ROBO2: variants seen among roughly 807,000 people sequenced by gnomAD.
ROBO2 encodes the protein roundabout homolog 2.
A neutral mutation model predicts 160.8 loss-of-function variants in ROBO2; 53 were observed. The ratio of observed to expected loss-of-function variants is 0.33; its 90% CI spans 0.26 to 0.41. The LOEUF (loss-of-function observed/expected upper bound fraction) is 0.41, where lower values mean the gene tolerates loss of function less well. Among genes scored for constraint, ROBO2 ranks in the 10% least tolerant of loss-of-function variants. The probability of loss-of-function intolerance (pLI) is 1.00; values close to 1 mark genes in which losing one functional copy is unlikely to be tolerated. For missense variants in ROBO2, 1,577 were observed against 1,722.4 expected (o/e 0.92, Z 1.49); for synonymous variants, 664 against 611.7 (o/e 1.09, Z -1.26).
rs540100533 is a variant in ROBO2 at position 77,255,344 on chromosome 3, C to T, written c.388+157004C>T. Among the ~76,000 whole-genome samples the T allele has an allele frequency of 3.9e-5, 6 of 152,286 alleles. No individual in the cohort carries two copies. The East Asian group carries it at 1.2e-3, about 29-fold the overall frequency. On this transcript the variant is annotated intron_variant, in intron 2 of 25. Coordinates refer to ENST00000461745, the Ensembl canonical transcript of ROBO2. Reference sequence around the variant, plus strand: ...AGTGCGTGAAGTTTTAAAACCAATTCAACTATGAGTAGATGTCATGTAGGC... The same window carrying T: ...AGTGCGTGAAGTTTTAAAACCAATTTAACTATGAGTAGATGTCATGTAGGC...
intron 2 of ROBO2, among the ~76,000 whole-genome samples, chr3:77,030,718 A>C (rs147328991): frequency 1.3e-5 from 2 of 152,272 alleles, no homozygotes; most frequent in East Asian, 3.9e-4. Context: ...CATAATCTTC[A>C]TGTAGCTTAT....
chr3:76,630,048 C>T (rs886384741), intron 2 of ROBO2, among the ~76,000 whole-genome samples: 14 of 152,178 alleles, frequency 9.2e-5, no homozygotes, highest in Non-Finnish European at 1.6e-4. Context: ...CCCCGCTTGG[C>T]TGACTTTGGT....
At chr3:76,256,328 T>A (rs1364806381) in intron 2 of ROBO2, among the ~76,000 whole-genome samples, 75 of 94,856 alleles carry the variant, frequency 7.9e-4, no homozygotes, top group Middle Eastern at 5.7e-3. Context: ...TCTCTCTCTC[T>A]CTCTCTCTCT....
chr3:76,128,895 T>C (rs2071110918), intron 2 of ROBO2, among the ~76,000 whole-genome samples: 1 of 152,124 alleles, frequency 6.6e-6, no homozygotes, highest in African/African-American at 2.4e-5. Flanking sequence ...AGAATTATAC[T>C]TGTGACTCCT....
intron 2 of ROBO2, among the ~76,000 whole-genome samples, chr3:76,380,104 G>A (rs2076544349): frequency 6.6e-6 from 1 of 151,434 alleles, no homozygotes. Flanking sequence ...ATTTTTGGTG[G>A]GTTTTTGGAA....
chr3:77,632,492 G>A (rs937281517), intron 23 of ROBO2: 1 of 1,533,326 alleles, frequency 6.5e-7, no homozygotes, highest in Non-Finnish European at 8.7e-7. Flanking sequence ...GTAAATGGAT[G>A]GGGCTCTGCA....
chr3:76,026,962 A>G (rs1283394780), intron 2 of ROBO2, among the ~76,000 whole-genome samples: 4 of 151,950 alleles, frequency 2.6e-5, no homozygotes, highest in Non-Finnish European at 5.9e-5. Flanking sequence ...CTGACAAGAT[A>G]CTGATTACAG....
intron 2 of ROBO2, among the ~76,000 whole-genome samples, chr3:76,472,465 C>T (rs538453471): frequency 2.0e-5 from 3 of 152,034 alleles, no homozygotes; most frequent in African/African-American, 7.2e-5. Flanking sequence ...AATCCTCATC[C>T]TACTATCTAT....
intron 2 of ROBO2, chr3:76,434,050 G>A: frequency 1.5e-6 from 2 of 1,291,780 alleles, no homozygotes; most frequent in East Asian, 2.3e-5. Flanking sequence ...TAGAAAGACT[G>A]GAGAGGGCAG....
chr3:76,430,921 T>C (rs1212281666), intron 2 of ROBO2, among the ~76,000 whole-genome samples: 1 of 152,050 alleles, frequency 6.6e-6, no homozygotes, highest in African/African-American at 2.4e-5. Context: ...GAATTTTAAC[T>C]TTTAATTAGT....
intron 2 of ROBO2, among the ~76,000 whole-genome samples, chr3:76,498,534 A>G (rs956594394): frequency 2.0e-5 from 3 of 151,782 alleles, no homozygotes; most frequent in African/African-American, 7.2e-5. Flanking sequence ...TAATAAATAT[A>G]TATTTCTAAA....
At chr3:76,948,621 C>T (rs2078719525) in intron 2 of ROBO2, among the ~76,000 whole-genome samples, 1 of 138,256 alleles carries the variant, frequency 7.2e-6, no homozygotes, top group Admixed American at 7.4e-5. Flanking sequence ...GAGTCTCACC[C>T]TGTCACCCAG....
intron 2 of ROBO2, among the ~76,000 whole-genome samples, chr3:76,839,590 T>C (rs1403597877): frequency 6.6e-6 from 1 of 152,186 alleles, no homozygotes; most frequent in Non-Finnish European, 1.5e-5. Flanking sequence ...AGGATTATTG[T>C]ATAAATGCTT....
rs1167852972 is a variant in ROBO2 at position 76,049,403 on chromosome 3, AT to A, written c.109+111822del. 3.6e-3 allele frequency among the ~76,000 whole-genome samples: 193 copies of A among 53,756 alleles called. 3 individuals carry two copies. The East Asian group carries it at 0.046, about 13-fold the overall frequency. The allele number at this position is 53,756 out of a possible 152,430, so 35.3% of individuals were successfully genotyped here. A position where few individuals can be genotyped will look rare whatever the true frequency, so the allele number is the denominator to read the frequency against. ...TTTTAGTATATATATATATATATATATTTTTTTTTTTTTTTTTTTTTGTAGA... is the reference window on the plus strand; with the variant it reads ...TTTTAGTATATATATATATATATATATTTTTTTTTTTTTTTTTTTTGTAGA... On this transcript the variant is annotated intron_variant, in intron 2 of 26. Coordinates refer to the ROBO2 transcript ENST00000487694.
At chr3:76,741,841 T>C (rs1485569500) in intron 2 of ROBO2, among the ~76,000 whole-genome samples, 1 of 152,020 alleles carries the variant, frequency 6.6e-6, no homozygotes, top group Admixed American at 6.6e-5. Context: ...CTCTTATTTA[T>C]TTTTTTCTGA....
At chr3:77,321,627 A>T (rs2064710502) in intron 2 of ROBO2, among the ~76,000 whole-genome samples, 2 of 152,170 alleles carry the variant, frequency 1.3e-5, no homozygotes, top group Non-Finnish European at 2.9e-5. Flanking sequence ...TTTAAAGGGC[A>T]CTAGAGATTA....
At chr3:77,081,180 A>C (rs986513497) in intron 1 of ROBO2, among the ~76,000 whole-genome samples, 6 of 152,234 alleles carry the variant, frequency 3.9e-5, no homozygotes, top group Admixed American at 3.9e-4. Context: ...ATAGAAAAAA[A>C]GTTAAATGAA....
intron 2 of ROBO2, among the ~76,000 whole-genome samples, chr3:76,343,293 C>A (rs1341744774): frequency 6.6e-6 from 1 of 151,984 alleles, no homozygotes; most frequent in African/African-American, 2.4e-5. Context: ...ATAATTCTTC[C>A]ATTTTTGTTT....
rs557524769 is a variant in ROBO2 at position 77,239,991 on chromosome 3, C to G, written c.388+141651C>G. Among the ~76,000 whole-genome samples the G allele has an allele frequency of 2.1e-3, 321 of 152,316 alleles. 1 individual carries two copies. Among genetic ancestry groups the G allele is most frequent in the African/African-American group, 7.4e-3 (308 of 41,574 alleles). ...TCCTCTAGCTAGAGATAAAAGTTCT[C>G]CAAGTCCCCACCTGACTCAGGAGCC... On this transcript the variant is annotated intron_variant, in intron 2 of 25. Coordinates refer to ENST00000461745, the Ensembl canonical transcript of ROBO2.
Sources: gnomAD v4.1 joint callset for allele counts (sites outside exome capture counted in the v4.1 genomes callset) on GRCh38, gnomAD v4.1.1 for gene constraint, MANE v1.5 for transcripts, NCBI Gene and HGNC (gene_info 2026-07-23, HGNC 2026-07-21) for gene names.